Variants in PHF11 observed in about 807,000 individuals in gnomAD.
The protein encoded by PHF11 is BRCA1 C-terminus-associated protein.
Under a neutral mutation model 40.5 loss-of-function variants are expected in PHF11, and 38 were observed. The ratio of observed to expected loss-of-function variants is 0.94; its 90% CI spans 0.72 to 1.23. PHF11 has a LOEUF of 1.23. PHF11 is among the 50% of genes most tolerant of loss of function. The pLI, the probability that PHF11 is intolerant of heterozygous loss-of-function variation, is 0.00. For missense variants in PHF11, 369 were observed against 392.4 expected (o/e 0.94, Z 0.50); for synonymous variants, 127 against 138.2 (o/e 0.92, Z 0.57).
In PHF11 at chr13:49,522,106, A is replaced by G; in HGVS notation, c.569A>G (p.Gln190Arg). 1 of 1,519,610 alleles carries G rather than the reference A, an allele frequency of 6.6e-7. No homozygotes were observed. Among genetic ancestry groups the G allele is most frequent in the Non-Finnish European group, 9.1e-7 (1 of 1,097,474 alleles). The allele number at this position is 1,519,610 out of a possible 1,614,324, so 94.1% of individuals were successfully genotyped here. ...AAACCCCTCTCAGGCAATCATGTAC[A>G]GGTAATTTGACTTAGTTTTTATAGC... is the stretch of plus-strand genomic sequence containing the variant. The part of the protein sequence containing the change: ...RKKPLSGNHV[Q>R]PPETMKCNTF... The change falls in exon 6 of 10, where the codon CAG (glutamine) becomes CGG (arginine). Residue 190 changes from glutamine (Q) to arginine (R), a missense_variant and splice_region_variant. Transcript: ENST00000378319.
intron 6 of PHF11, among the ~76,000 whole-genome samples, chr13:49,522,590 T>C (rs1959193470): frequency 6.6e-6 from 1 of 152,086 alleles, no homozygotes; most frequent in Non-Finnish European, 1.5e-5. Flanking sequence ...TATGAAAATA[T>C]TTTGGGGATT....
chr13:49,523,288 TA>T (rs1566197143), intron 7 of PHF11, 47 bp downstream of exon 7: 1 of 1,301,590 alleles, frequency 7.7e-7, no homozygotes, highest in Non-Finnish European at 1.1e-6. Context: ...ACAATACTTA[TA>T]AAAATGTCAA....
At chr13:49,524,988 C>G (rs1377026579) in intron 8 of PHF11, among the ~76,000 whole-genome samples, 3 of 152,164 alleles carry the variant, frequency 2.0e-5, no homozygotes, top group Non-Finnish European at 4.4e-5. Flanking sequence ...CCCCTGCCAC[C>G]GCCCTGCATT....
rs185672157 is a variant in PHF11 at position 49,499,957 on chromosome 13, G to A, written c.94+3862G>A. 5.9e-5 allele frequency among the ~76,000 whole-genome samples: 9 copies of A among 152,304 alleles called. No homozygotes were observed. The East Asian group carries it at 1.3e-3, about 23-fold the overall frequency. On this transcript the variant is annotated intron_variant, in intron 1 of 9. Coordinates refer to ENST00000378319, the MANE Select transcript of PHF11 (RefSeq NM_001040443.3). The stretch of plus-strand genomic sequence containing the variant: ...ACGCTTCCTGGCTACCCCAGATTCT[G>A]TGCCCTGGGTGGATTACCCTTGGCT...
rs1055682283 is a variant in PHF11 at position 49,513,113 on chromosome 13, A to G, written c.271A>G (p.Arg91Gly). The change falls in exon 3 of 10, where the codon AGA becomes GGA. Residue 91 changes from arginine to glycine, a missense_variant. Transcript: ENST00000378319. ...GGATCAGGATCCACTTAATCCTGAT[A>G]GAAGTTTTGATGTGGAATCAGTAAA... Reference protein sequence around the residue: ...CEDQDPLNPDRSFDVESVKKE... With the variant: ...CEDQDPLNPDGSFDVESVKKE... 6.2e-7 allele frequency: 1 copy of G among 1,602,274 alleles called. No individual in the cohort carries two copies. The highest frequency in any genetic ancestry group is 1.3e-5 in the African/African-American group (1 of 74,638).
Position 49,496,286 on chromosome 13 carries a change from G to A in PHF11, c.94+191G>A, listed in dbSNP as rs372311460. On this transcript the variant is annotated intron_variant, in intron 1 of 9. Coordinates refer to ENST00000378319, the MANE Select transcript of PHF11 (RefSeq NM_001040443.3). Reference sequence around the variant, plus strand: ...CGCGTGCCTGTTGGTGGGGGAGGGGGCCAGAGGACAGGGCGCGGCCCAGGC... The same window carrying A: ...CGCGTGCCTGTTGGTGGGGGAGGGGACCAGAGGACAGGGCGCGGCCCAGGC... The A allele has an allele frequency of 9.9e-5, 70 of 705,238 alleles. No homozygotes were observed. In the East Asian group the frequency reaches 2.2e-3, roughly 22 times the overall value. 43.7% of individuals were successfully genotyped at this position (705,238 alleles called of 1,614,324 possible).
intron 4 of PHF11, among the ~76,000 whole-genome samples, chr13:49,520,499 T>G (rs368958280): frequency 9.9e-5 from 15 of 152,226 alleles, no homozygotes; most frequent in Admixed American, 8.5e-4. Context: ...TGCTTGCAAT[T>G]TTGTGCTATT....
chr13:49,516,689 T>A (rs1192754647), intron 3 of PHF11, among the ~76,000 whole-genome samples: 1 of 151,912 alleles, frequency 6.6e-6, no homozygotes, highest in Non-Finnish European at 1.5e-5. Flanking sequence ...CCCCAAGCCA[T>A]CTTCTGGCTT....
intron 7 of PHF11, chr13:49,523,668 T>C (rs963570249): frequency 4.4e-6 from 1 of 225,396 alleles, no homozygotes; most frequent in Non-Finnish European, 8.6e-6. Flanking sequence ...AAAATCCTCT[T>C]AATTCAACTA....
At chr13:49,511,128 T>C (rs1173458039) in intron 2 of PHF11, among the ~76,000 whole-genome samples, 1 of 152,240 alleles carries the variant, frequency 6.6e-6, no homozygotes, top group Admixed American at 6.5e-5. Context: ...GTTGCATGTA[T>C]CTGTATCTTG....
intron 8 of PHF11, 180 bp from the exon 9 acceptor site, chr13:49,526,207 C>T: frequency 1.9e-6 from 1 of 537,726 alleles, no homozygotes; most frequent in South Asian, 2.6e-5. Context: ...AGAGAAATGC[C>T]AAGAATTACA....
chr13:49,518,280 G>A, intron 4 of PHF11, 129 bp downstream of exon 4: 1 of 495,924 alleles, frequency 2.0e-6, no homozygotes, highest in East Asian at 3.2e-5. Flanking sequence ...GCCAGTTTGG[G>A]GGATGCACAG....
intron 7 of PHF11, chr13:49,523,553 T>C: frequency 2.7e-6 from 1 of 367,142 alleles, no homozygotes; most frequent in South Asian, 3.6e-5. Flanking sequence ...CCTGTAACTG[T>C]AGTTCTCTGT....
intron 9 of PHF11, 70 bp downstream of exon 9, chr13:49,526,528 A>G: frequency 1.2e-6 from 1 of 857,734 alleles, no homozygotes; most frequent in Non-Finnish European, 2.0e-6. Context: ...GAAACAATAT[A>G]CTGTACAGGT....
chr13:49,526,621 G>GCCCCCCCCCC (rs1222135505), intron 9 of PHF11, among the ~76,000 whole-genome samples, 163 bp downstream of exon 9: 21 of 145,782 alleles, frequency 1.4e-4, no homozygotes, highest in Admixed American at 2.8e-4. Context: ...CCGCCCACCT[G>GCCCCCCCCCC]CCCACACACA....
At chr13:49,497,695 A>G (rs897196477) in intron 1 of PHF11, among the ~76,000 whole-genome samples, 1 of 152,138 alleles carries the variant, frequency 6.6e-6, no homozygotes, top group Admixed American at 6.5e-5. Flanking sequence ...AAACCCACCA[A>G]TAGTCTCCCA....
chr13:49,528,386 T>C, intron 9 of PHF11, 125 bp from the exon 10 acceptor site: 1 of 652,752 alleles, frequency 1.5e-6, no homozygotes, highest in South Asian at 2.1e-5. Context: ...AGGCTCTGGA[T>C]CCTTTTCACC....
At chr13:49,520,847 C>T in intron 4 of PHF11, 47 bp from the exon 5 acceptor site, 2 of 1,292,554 alleles carry the variant, frequency 1.5e-6, no homozygotes, top group South Asian at 1.4e-5. Context: ...ATATTTGAAA[C>T]CTGTAAATAA....
chr13:49,524,368 ACT>A lies in PHF11; in HGVS notation c.769+153_769+154del, dbSNP rs1313019048. On this transcript the variant is annotated intron_variant, in intron 8 of 9. Coordinates refer to ENST00000378319, the MANE Select transcript of PHF11 (RefSeq NM_001040443.3). ...TTTGGAAATGCTTACTATTTATTTC[ACT>A]TTTTGGTTTTGCCCTATAGAAAATA... 24 of 646,638 alleles carry A rather than the reference ACT, an allele frequency of 3.7e-5. 1 individual carries two copies. The highest frequency in any genetic ancestry group is 6.0e-5 in the Non-Finnish European group (23 of 386,230). 40.1% of individuals were successfully genotyped at this position (646,638 alleles called of 1,614,324 possible).
Sources: allele counts gnomAD v4.1 joint callset (sites outside exome capture counted in the v4.1 genomes callset), GRCh38; gene constraint gnomAD v4.1.1; transcripts MANE v1.5; gene names NCBI Gene and HGNC (gene_info 2026-07-23, HGNC 2026-07-21).